The following NRXN3 variants were observed in gnomAD, a reference collection of about 807,000 sequenced individuals.
NRXN3 encodes the protein neurexin 3, also known as neurexin III.
In NRXN3, 32 loss-of-function variants were observed where a neutral mutation model predicts 137.6. That is an observed-to-expected ratio of 0.23 (90% CI 0.18 to 0.31). NRXN3 has a LOEUF of 0.31. Among genes scored for constraint, NRXN3 ranks in the 10% least tolerant of loss-of-function variants. NRXN3 has a pLI of 1.00. For synonymous variants in NRXN3, 798 were observed against 784.5 expected, an observed-to-expected ratio of 1.02 and a Z score of -0.29; for missense variants, 1,574 against 2,062.5, an observed-to-expected ratio of 0.76 and a Z score of 4.59.
intron 4 of NRXN3, among the ~76,000 whole-genome samples, chr14:78,566,638 G>T (rs961948741): frequency 6.6e-5 from 10 of 152,258 alleles, no homozygotes; most frequent in Admixed American, 5.9e-4. Flanking sequence ...TGCTTGCCCC[G>T]AGCCCCCACC....
intron 4 of NRXN3, among the ~76,000 whole-genome samples, chr14:78,456,257 A>G (rs1390001109): frequency 6.6e-6 from 1 of 152,206 alleles, no homozygotes; most frequent in Non-Finnish European, 1.5e-5. Context: ...GAACTGAAAG[A>G]GGAAGTAAAC....
At chr14:79,434,299 T>G (rs760837820) in intron 15 of NRXN3, among the ~76,000 whole-genome samples, 7 of 152,056 alleles carry the variant, frequency 4.6e-5, no homozygotes, top group Non-Finnish European at 8.8e-5. Flanking sequence ...GAGGCAGCCA[T>G]GCGCACAGGT....
intron 20 of NRXN3, among the ~76,000 whole-genome samples, chr14:79,816,743 T>C (rs192416895): frequency 6.6e-6 from 1 of 152,328 alleles, no homozygotes; most frequent in East Asian, 1.9e-4. Context: ...GTAATGCATG[T>C]TAATTAACCA....
chr14:79,822,031 A>C (rs1603616108), intron 20 of NRXN3, among the ~76,000 whole-genome samples: 1 of 152,310 alleles, frequency 6.6e-6, no homozygotes, highest in Non-Finnish European at 1.5e-5. Context: ...GTTGCCATAC[A>C]AGACGATATC....
intron 20 of NRXN3, among the ~76,000 whole-genome samples, chr14:79,836,206 A>G (rs6574526): frequency 0.91 from 138,193 of 152,164 alleles, 62,778 homozygotes; most frequent in East Asian, 0.95. Flanking sequence ...GTGCATTGAA[A>G]GAACACAATG....
intron 15 of NRXN3, among the ~76,000 whole-genome samples, chr14:79,114,230 C>G (rs770440885): frequency 3.9e-5 from 6 of 152,192 alleles, no homozygotes; most frequent in Non-Finnish European, 7.3e-5. Flanking sequence ...GCCAGGGGTG[C>G]TGCTAAACAT....
chr14:78,948,299 A>T (rs995873886), intron 10 of NRXN3, among the ~76,000 whole-genome samples: 3 of 152,216 alleles, frequency 2.0e-5, no homozygotes, highest in Admixed American at 6.5e-5. Flanking sequence ...AGGAGGTTGG[A>T]GTATTTATTC....
intron 4 of NRXN3, among the ~76,000 whole-genome samples, chr14:78,609,760 G>A (rs964410530): frequency 6.6e-6 from 1 of 152,100 alleles, no homozygotes; most frequent in Non-Finnish European, 1.5e-5. Context: ...TTTATAATTG[G>A]TAATTAAAAG....
intron 19 of NRXN3, among the ~76,000 whole-genome samples, chr14:79,784,745 G>A (rs1322708819): frequency 6.6e-6 from 1 of 151,090 alleles, no homozygotes; most frequent in Non-Finnish European, 1.5e-5. Flanking sequence ...CCAGCTGGGA[G>A]TCTATCGGGC....
At chr14:78,334,514 T>A (rs902960866) in intron 4 of NRXN3, among the ~76,000 whole-genome samples, 13 of 152,160 alleles carry the variant, frequency 8.5e-5, no homozygotes, top group African/African-American at 2.9e-4. Context: ...TACAAGATGA[T>A]CCCCTGGGAT....
At chr14:78,954,767 GTT>G (rs531410595) in intron 10 of NRXN3, among the ~76,000 whole-genome samples, 26,841 of 130,368 alleles carry the variant, frequency 0.21, 3,375 homozygotes, top group East Asian at 0.44. Flanking sequence ...ACCTGGCCTG[GTT>G]TTTTTTTTTT....
intron 19 of NRXN3, among the ~76,000 whole-genome samples, chr14:79,757,560 T>C (rs187926122): frequency 2.0e-5 from 3 of 152,338 alleles, no homozygotes; most frequent in Admixed American, 1.3e-4. Flanking sequence ...CCAAAGCATA[T>C]GTGTATGTTT....
intron 15 of NRXN3, among the ~76,000 whole-genome samples, chr14:79,130,574 G>A (rs372910164): frequency 1.3e-5 from 2 of 151,622 alleles, no homozygotes; most frequent in African/African-American, 4.9e-5. Context: ...GCTTCCCTTT[G>A]TGGGTAACCC....
chr14:79,823,346 A>G (rs2099278541), intron 20 of NRXN3, among the ~76,000 whole-genome samples: 1 of 152,212 alleles, frequency 6.6e-6, no homozygotes. Flanking sequence ...TAAGAATTGT[A>G]TTATCAATAA....
chr14:78,991,081 A>G (rs2099517842), intron 15 of NRXN3, among the ~76,000 whole-genome samples: 1 of 152,236 alleles, frequency 6.6e-6, no homozygotes. Flanking sequence ...CATCACCGGC[A>G]GACTTGAATA....
intron 15 of NRXN3, among the ~76,000 whole-genome samples, chr14:79,262,434 GGAGGAGGAGAAA>G (rs2077756356): frequency 6.6e-6 from 1 of 150,728 alleles, no homozygotes; most frequent in South Asian, 2.1e-4. Flanking sequence ...AGAAGAGGAA[GGAGGAGGAGAAA>G]GAGGAGGAGG....
At chr14:79,380,513 C>A (rs1303302476) in intron 15 of NRXN3, among the ~76,000 whole-genome samples, 1 of 152,086 alleles carries the variant, frequency 6.6e-6, no homozygotes, top group Non-Finnish European at 1.5e-5. Flanking sequence ...CATGTCCCTA[C>A]AAAGGACATG....
intron 4 of NRXN3, among the ~76,000 whole-genome samples, chr14:78,469,858 T>C (rs1486093008): frequency 6.6e-6 from 1 of 152,234 alleles, no homozygotes; most frequent in Non-Finnish European, 1.5e-5. Flanking sequence ...TTTTCCTTGA[T>C]TGGAAAGCTA....
chr14:78,254,337 C>T (rs191472210), intron 2 of NRXN3, among the ~76,000 whole-genome samples: 4 of 152,224 alleles, frequency 2.6e-5, no homozygotes, highest in African/African-American at 7.2e-5. Flanking sequence ...AGGTTTTTAG[C>T]GTCTCTGAAT....
Sources: gnomAD v4.1 joint callset for allele counts (sites outside exome capture counted in the v4.1 genomes callset) on GRCh38, gnomAD v4.1.1 for gene constraint, MANE v1.5 for transcripts, NCBI Gene and HGNC (gene_info 2026-07-23, HGNC 2026-07-21) for gene names.